CSMD2: variants seen among roughly 807,000 people sequenced by gnomAD.
CSMD2 encodes CUB and sushi domain-containing protein 2.
Under a neutral mutation model 398.5 loss-of-function variants are expected in CSMD2, and 130 were observed. The observed-to-expected ratio is 0.33, with a 90% CI of 0.28 to 0.38. The LOEUF (loss-of-function observed/expected upper bound fraction) is 0.38. Ranked by LOEUF, CSMD2 falls within the 10% of genes least tolerant of loss-of-function variation. The pLI is 1.00. For missense variants in CSMD2, 3,829 were observed against 4,764.9 expected (o/e 0.80, Z 5.78); for synonymous variants, 1,828 against 1,908.5 (o/e 0.96, Z 1.10).
At chr1:33,611,719 C>T (rs947186413) in intron 40 of CSMD2, among the ~76,000 whole-genome samples, 2 of 152,100 alleles carry the variant, frequency 1.3e-5, no homozygotes, top group Non-Finnish European at 2.9e-5. Context: ...ATACATTGTC[C>T]CCTCTGTTCC....
chr1:34,157,832 C>T (rs1282765737), intron 1 of CSMD2, among the ~76,000 whole-genome samples: 1 of 152,118 alleles, frequency 6.6e-6, no homozygotes, highest in Non-Finnish European at 1.5e-5. Context: ...TCTCCAATCC[C>T]ACCCCATCAT....
At chr1:34,008,576 G>A (rs549747236) in intron 3 of CSMD2, among the ~76,000 whole-genome samples, 1 of 152,302 alleles carries the variant, frequency 6.6e-6, no homozygotes, top group Admixed American at 6.5e-5. Context: ...TCATGATGCT[G>A]TTCTGTTCAA....
At chr1:34,024,355 G>C (rs1422189663) in intron 3 of CSMD2, among the ~76,000 whole-genome samples, 3 of 152,224 alleles carry the variant, frequency 2.0e-5, no homozygotes, top group African/African-American at 7.2e-5. Flanking sequence ...CCTCATCACT[G>C]TTTCTCCTGA....
At chr1:33,671,364 G>C (rs1362409989) in intron 25 of CSMD2, among the ~76,000 whole-genome samples, 1 of 152,124 alleles carries the variant, frequency 6.6e-6, no homozygotes, top group Non-Finnish European at 1.5e-5. Flanking sequence ...ACTCCAGCAA[G>C]TATGCCAGCT....
At chr1:33,615,696 G>A (rs1412220117) in intron 39 of CSMD2, among the ~76,000 whole-genome samples, 8 of 152,342 alleles carry the variant, frequency 5.3e-5, no homozygotes, top group East Asian at 1.9e-4. Flanking sequence ...AGCAGCTGCC[G>A]TTAAATGAAT....
chr1:33,536,050 T>C (rs1269394702), intron 62 of CSMD2, among the ~76,000 whole-genome samples: 1 of 152,166 alleles, frequency 6.6e-6, no homozygotes, highest in Non-Finnish European at 1.5e-5. Context: ...TCCTAGCTCC[T>C]AGAACAGTTC....
Position 33,990,397 on chromosome 1 carries a change from G to A in CSMD2, c.517+42197C>T, listed in dbSNP as rs555144257. 9.2e-5 allele frequency among the ~76,000 whole-genome samples: 14 copies of A among 152,320 alleles called. No individual in the cohort carries two copies. In the South Asian group the frequency reaches 2.9e-3, roughly 32 times the overall value. ...GAGCTCACTCCTGGAAATGGAGTTA[G>A]AACCAATTAAACAGTTATTTAATTG... is the stretch of plus-strand genomic sequence containing the variant. On this transcript the variant is annotated intron_variant, in intron 3 of 70. Coordinates refer to ENST00000373381, the MANE Select transcript of CSMD2 (RefSeq NM_001281956.2).
intron 13 of CSMD2, among the ~76,000 whole-genome samples, chr1:33,770,595 A>C (rs4492575): frequency 6.6e-6 from 1 of 151,972 alleles, no homozygotes; most frequent in Admixed American, 6.5e-5. Flanking sequence ...GTGTCCTCTT[A>C]CTCTCCAATG....
intron 5 of CSMD2, among the ~76,000 whole-genome samples, chr1:33,857,530 G>C (rs1340437702): frequency 6.6e-6 from 1 of 152,134 alleles, no homozygotes; most frequent in African/African-American, 2.4e-5. Flanking sequence ...TGCTCTGCCT[G>C]CTGGCATCAT....
At chr1:34,001,424 G>A (rs1646897111) in intron 3 of CSMD2, among the ~76,000 whole-genome samples, 1 of 152,148 alleles carries the variant, frequency 6.6e-6, no homozygotes, top group Non-Finnish European at 1.5e-5. Flanking sequence ...TGGACATCTA[G>A]GCAGAAACAC....
At chr1:34,091,097 G>A (rs1041571176) in intron 1 of CSMD2, among the ~76,000 whole-genome samples, 18 of 152,030 alleles carry the variant, frequency 1.2e-4, no homozygotes. Context: ...TCATGACACC[G>A]TAACTTCTCC....
chr1:34,152,519 G>T (rs1640420118), intron 1 of CSMD2, among the ~76,000 whole-genome samples: 1 of 152,024 alleles, frequency 6.6e-6, no homozygotes. Flanking sequence ...CCTTCTTCCA[G>T]ACCTGGAACA....
chr1:33,756,428 A>G (rs560860919), intron 13 of CSMD2, among the ~76,000 whole-genome samples: 1 of 152,308 alleles, frequency 6.6e-6, no homozygotes, highest in Admixed American at 6.5e-5. Flanking sequence ...GAGGTGACGA[A>G]AAAAGGAATG....
At chr1:33,962,803 G>A (rs1307229383) in intron 3 of CSMD2, among the ~76,000 whole-genome samples, 2 of 152,134 alleles carry the variant, frequency 1.3e-5, no homozygotes, top group East Asian at 3.8e-4. Context: ...CTTTAAAATT[G>A]CATCCAGACC....
chr1:33,581,173 G>A (rs1638672654), intron 47 of CSMD2, among the ~76,000 whole-genome samples: 1 of 151,942 alleles, frequency 6.6e-6, no homozygotes, highest in African/African-American at 2.4e-5. Flanking sequence ...ACAAGGTCAA[G>A]TAGCTGGTTA....
intron 25 of CSMD2, among the ~76,000 whole-genome samples, chr1:33,667,582 T>C (rs1644357327): frequency 6.6e-6 from 1 of 152,214 alleles, no homozygotes; most frequent in South Asian, 2.1e-4. Context: ...GGTTGAGAGC[T>C]AGGCAGGGGC....
intron 1 of CSMD2, among the ~76,000 whole-genome samples, chr1:34,130,389 CAAAAAAA>C (rs60733725): frequency 5.1e-5 from 3 of 58,500 alleles, no homozygotes; most frequent in Non-Finnish European, 8.9e-5. Flanking sequence ...TGTCTGGAGG[CAAAAAAA>C]AAAAAAAAAA....
chr1:33,530,418 A>G (rs1242380238), intron 64 of CSMD2, among the ~76,000 whole-genome samples: 4 of 152,156 alleles, frequency 2.6e-5, no homozygotes, highest in Non-Finnish European at 5.9e-5. Context: ...TGTTAGAAGG[A>G]CTATTATAAA....
chr1:33,545,151 T>C (rs1314862406), intron 57 of CSMD2, among the ~76,000 whole-genome samples: 1 of 152,194 alleles, frequency 6.6e-6, no homozygotes, highest in African/African-American at 2.4e-5. Flanking sequence ...CCAGATCTTC[T>C]CACTCAAACT....
Sources: allele counts gnomAD v4.1 joint callset (sites outside exome capture counted in the v4.1 genomes callset), GRCh38; gene constraint gnomAD v4.1.1; transcripts MANE v1.5; gene names NCBI Gene and HGNC (gene_info 2026-07-23, HGNC 2026-07-21).